NYNRIN: variants seen among roughly 807,000 people sequenced by gnomAD.
The protein encoded by NYNRIN is NYN domain and retroviral integrase containing.
In NYNRIN, 86 loss-of-function variants were observed where a neutral mutation model predicts 146.6. That is an observed-to-expected ratio of 0.59 (90% CI 0.49 to 0.70). The LOEUF is 0.70. NYNRIN is among the 30% of genes least tolerant of loss of function. The pLI, the probability that NYNRIN is intolerant of heterozygous loss-of-function variation, is 0.00. For missense variants in NYNRIN, 2,191 were observed against 2,377.7 expected (o/e 0.92, Z 1.63); for synonymous variants, 1,027 against 1,001.3 (o/e 1.03, Z -0.48).
rs1269811568 is a variant in NYNRIN at position 24,415,623 on chromosome 14, C to T, written c.3874C>T (p.Pro1292Ser). The T allele has an allele frequency of 4.3e-6, 7 of 1,613,860 alleles. No individual in the cohort carries two copies. Among genetic ancestry groups the T allele is most frequent in the Non-Finnish European group, 5.9e-6 (7 of 1,179,898 alleles). ...NRLLTPAASM[P>S]RFFQVLPPFS... Reference sequence around the variant, plus strand: ...CCTGCTCACCCCCGCGGCCTCCATGCCTCGCTTCTTCCAGGTTCTGCCGCC... The same window carrying T: ...CCTGCTCACCCCCGCGGCCTCCATGTCTCGCTTCTTCCAGGTTCTGCCGCC... The change falls in exon 9 of 9, where the codon CCT (proline) becomes TCT (serine). Residue 1292 changes from proline to serine, a missense_variant. Physicochemically the swap from Pro to Ser is moderately conservative, Grantham distance 74. Transcript: ENST00000382554.
Position 24,409,799 on chromosome 14 carries a change from C to T in NYNRIN, c.2005C>T (p.Pro669Ser), listed in dbSNP as rs1361415676. The T allele has an allele frequency of 1.1e-5, 17 of 1,613,182 alleles. No individual in the cohort carries two copies. The highest frequency in any genetic ancestry group is 1.4e-5 in the Non-Finnish European group (17 of 1,179,622). The part of the protein sequence containing the change: ...ASKAPAAPKV[P>S]VTPRVSRAPK... The stretch of plus-strand genomic sequence containing the variant: ...CAAAGCACCTGCAGCTCCCAAAGTA[C>T]CTGTGACCCCCAGAGTCTCCAGAGC... Residue 669 changes from proline to serine, a missense_variant, in exon 4 of 9, where the codon CCT (proline) becomes TCT (serine). Transcript: ENST00000382554.
At chr14:24,401,040 T>C (rs2042839229) in intron 2 of NYNRIN, among the ~76,000 whole-genome samples, 1 of 152,134 alleles carries the variant, frequency 6.6e-6, no homozygotes, top group African/African-American at 2.4e-5. Flanking sequence ...CCACCCGCCT[T>C]GGCCTCCCAA....
Position 24,408,151 on chromosome 14 carries a change from C to G in NYNRIN, c.481C>G (p.Arg161Gly). ...PRGIWEAEVT[R>G]AFGALVWIRG... ...GGGGATCTGGGAGGCTGAGGTGACC[C>G]GGGCCTTTGGGGCCCTGGTCTGGAT... Residue 161 changes from arginine to glycine, a missense_variant, in exon 3 of 9, where the codon CGG becomes GGG. By Grantham distance (125) the Arg-to-Gly change is moderately radical. This residue lies in a region of NYNRIN where 895 missense variants were observed against 941.2 expected (regional missense o/e 0.95). Transcript: ENST00000382554. 1 of 1,604,424 alleles carries G rather than the reference C, an allele frequency of 6.2e-7. No individual in the cohort carries two copies. The highest frequency in any genetic ancestry group is 8.5e-7 in the Non-Finnish European group (1 of 1,177,442).
chr14:24,405,381 C>T (rs1003476581), intron 2 of NYNRIN, among the ~76,000 whole-genome samples: 1 of 152,154 alleles, frequency 6.6e-6, no homozygotes, highest in Non-Finnish European at 1.5e-5. Context: ...TGACTAACGA[C>T]CTGTGGGTAT....
rs1188508654 is a variant in NYNRIN at position 24,419,200 on chromosome 14, C to G, written c.*1754C>G. 6.6e-6 allele frequency: 1 copy of G among 152,244 alleles called. No individual in the cohort carries two copies. The highest frequency in any genetic ancestry group is 1.5e-5 in the Non-Finnish European group (1 of 68,056). 9.4% of individuals were successfully genotyped at this position (152,244 alleles called of 1,614,324 possible). A position where few individuals can be genotyped will look rare whatever the true frequency, so the allele number is the denominator to read the frequency against. ...CCTCCCTGGTGCTGTATGCGTTCCC[C>G]CTGTTAGCTACATTTGTGATCACAT... On this transcript the variant is annotated 3_prime_UTR_variant, in exon 9 of 9. Coordinates refer to ENST00000382554, the MANE Select transcript of NYNRIN (RefSeq NM_025081.3).
In NYNRIN at chr14:24,409,058, G is replaced by T. The variant is rs1477951921; in HGVS notation, c.1264G>T (p.Ala422Ser). The T allele has an allele frequency of 6.2e-7, 1 of 1,613,316 alleles. No individual in the cohort carries two copies. Among genetic ancestry groups the T allele is most frequent in the Non-Finnish European group, 8.5e-7 (1 of 1,179,696 alleles). Residue 422 changes from alanine (A) to serine (S), a missense_variant, in exon 4 of 9, where the codon GCT becomes TCT. By Grantham distance (99) the Ala-to-Ser change is moderately conservative. Transcript: ENST00000382554. ...TCTGGAGTGGAAGCAGAAGGAGCTG[G>T]CTCCTCTGCCTAGTGCAGAAAGCCC... ...LNLEWKQKEL[A>S]PLPSAESPAG... is the part of the protein sequence containing the mutation.
At chr14:24,413,820 C>G (rs963801394) in intron 8 of NYNRIN, among the ~76,000 whole-genome samples, 1 of 152,134 alleles carries the variant, frequency 6.6e-6, no homozygotes, top group Non-Finnish European at 1.5e-5. Context: ...GCTGTTGGGT[C>G]CGAGGCTGCA....
rs774122735 is a variant in NYNRIN at position 24,413,084 on chromosome 14, G to C, written c.2730G>C (p.Leu910=). 1 of 1,588,414 alleles carries C rather than the reference G, an allele frequency of 6.3e-7. No individual in the cohort carries two copies. The highest frequency in any genetic ancestry group is 8.6e-7 in the Non-Finnish European group (1 of 1,166,188). Residue 910 remains leucine, a synonymous_variant, in exon 7 of 9, where the codon CTG becomes CTC. Transcript: ENST00000382554. ...TCCTGATGAATAGTTCCAAGAAACT[G>C]ATGGTCAAAGATCGGTAAGATGGTC... is the stretch of plus-strand genomic sequence containing the variant. ...IHILMNSSKK[L]MVKDRLLPFT...
intron 2 of NYNRIN, 133 bp from the exon 3 acceptor site, chr14:24,407,736 C>A: frequency 1.3e-6 from 1 of 784,882 alleles, no homozygotes; most frequent in Non-Finnish European, 2.0e-6. Flanking sequence ...AGTCATTTGG[C>A]TCATGGTGGA....
At chr14:24,400,115 G>T (rs973707961) in intron 2 of NYNRIN, among the ~76,000 whole-genome samples, 19 of 152,152 alleles carry the variant, frequency 1.2e-4, no homozygotes, top group African/African-American at 3.9e-4. Context: ...TCAGCTTCTT[G>T]CAGGGGTTCA....
chr14:24,417,280 C>T lies in NYNRIN; in HGVS notation c.5531C>T (p.Ala1844Val). The change falls in exon 9 of 9, where the codon GCC becomes GTC. Residue 1844 changes from alanine (A) to valine (V), a missense_variant. Ala to Val is a moderately conservative substitution (Grantham distance 64). Coordinates refer to ENST00000382554, the MANE Select transcript of NYNRIN (RefSeq NM_025081.3). Reference sequence around the variant, plus strand: ...TCCCTCCCCAGGAATGGCAGCAGTGCCAAATGGGTGGGTCCCTTCTATATC... The same window carrying T: ...TCCCTCCCCAGGAATGGCAGCAGTGTCAAATGGGTGGGTCCCTTCTATATC... ...LLSLPRNGSS[A>V]KWVGPFYIGD... is the part of the protein sequence containing the mutation. 1 of 1,614,020 alleles carries T rather than the reference C, an allele frequency of 6.2e-7. No homozygotes were observed. Among genetic ancestry groups the T allele is most frequent in the Non-Finnish European group, 8.5e-7 (1 of 1,179,876 alleles).
At chr14:24,404,371 T>A (rs2042863852) in intron 2 of NYNRIN, among the ~76,000 whole-genome samples, 1 of 152,256 alleles carries the variant, frequency 6.6e-6, no homozygotes, top group Admixed American at 6.5e-5. Flanking sequence ...CTACGCTTTT[T>A]AAATCCAATT....
In NYNRIN at chr14:24,410,144, T is replaced by C; in HGVS notation, c.2350T>C (p.Ser784Pro). The C allele has an allele frequency of 6.2e-7, 1 of 1,613,098 alleles. No individual in the cohort carries two copies. Among genetic ancestry groups the C allele is most frequent in the Non-Finnish European group, 8.5e-7 (1 of 1,179,352 alleles). The change falls in exon 4 of 9, where the codon TCA becomes CCA. Residue 784 changes from serine (S) to proline (P), a missense_variant. Transcript: ENST00000382554. ...GAATACACCCTTCGAGCTGAACCTG[T>C]CAGGGGAACCTGGAAACCAGGGGTT... Reference protein sequence around the residue: ...ALNTPFELNLSGEPGNQGLRR... With the variant: ...ALNTPFELNLPGEPGNQGLRR...
rs770043601 is a variant in NYNRIN, at chr14:24,418,281, C to A, written c.*835C>A. The stretch of plus-strand genomic sequence containing the variant: ...TCTGAAGAGCTGCTTCTGTTAGACC[C>A]AGGGGCCCCGGCCTCTGTTTTAAGG... On this transcript the variant is annotated 3_prime_UTR_variant, in exon 9 of 9. Coordinates refer to ENST00000382554, the MANE Select transcript of NYNRIN (RefSeq NM_025081.3). 2.2e-6 allele frequency: 1 copy of A among 456,476 alleles called. No homozygotes were observed. The highest frequency in any genetic ancestry group is 1.5e-5 in the South Asian group (1 of 64,550). The allele number at this position is 456,476 out of a possible 1,614,324, so 28.3% of individuals were successfully genotyped here. A position where few individuals can be genotyped will look rare whatever the true frequency, so the allele number is the denominator to read the frequency against.
At position 24,416,254 on chromosome 14, in the gene NYNRIN, C is replaced by T; in HGVS notation, c.4505C>T (p.Ser1502Phe). ...IARLQAGQKL[S>F]GSSPFSSAFN... The stretch of plus-strand genomic sequence containing the variant: ...AGGCTGCAGGCTGGGCAGAAACTGT[C>T]TGGCTCCTCACCGTTTAGTTCTGCC... The change falls in exon 9 of 9, where the codon TCT (serine) becomes TTT (phenylalanine). Residue 1502 changes from serine to phenylalanine, a missense_variant. Ser to Phe is a radical substitution (Grantham distance 155, BLOSUM62 -2). Coordinates refer to ENST00000382554, the MANE Select transcript of NYNRIN (RefSeq NM_025081.3). 6.2e-7 allele frequency: 1 copy of T among 1,613,958 alleles called. No homozygotes were observed. Among genetic ancestry groups the T allele is most frequent in the Non-Finnish European group, 8.5e-7 (1 of 1,179,898 alleles).
chr14:24,413,448 GCCCT>G, intron 8 of NYNRIN, 31 bp downstream of exon 8: 2 of 1,498,116 alleles, frequency 1.3e-6, no homozygotes, highest in Non-Finnish European at 1.8e-6. Context: ...AGCCTCCCAG[GCCCT>G]CCTGGGGCTG....
At position 24,416,579 on chromosome 14, in the gene NYNRIN, G is replaced by A. The variant is rs771364628; in HGVS notation, c.4830G>A (p.Ser1610=). 4.3e-6 allele frequency: 7 copies of A among 1,613,926 alleles called. No individual in the cohort carries two copies. Among genetic ancestry groups the A allele is most frequent in the East Asian group, 4.5e-5 (2 of 44,880 alleles). ...KVIESPWPLR[S]TAPWSNLQIE... Reference sequence around the variant, plus strand: ...TTGAGTCCCCATGGCCCCTCAGGTCGACCGCCCCCTGGTCGAACCTGCAGA... The same window carrying A: ...TTGAGTCCCCATGGCCCCTCAGGTCAACCGCCCCCTGGTCGAACCTGCAGA... Residue 1610 remains serine (S), a synonymous_variant, in exon 9 of 9, where the codon TCG becomes TCA. Coordinates refer to ENST00000382554, the MANE Select transcript of NYNRIN (RefSeq NM_025081.3).
Position 24,411,015 on chromosome 14 carries a change from A to C in NYNRIN, c.2415-61A>C, listed in dbSNP as rs2042909455. ...GCTGGCATTGCTTGCTTGCTGCCCC[A>C]GGGCTGGCTCTGAGGGAGGAGTGGT... is the stretch of plus-strand genomic sequence containing the variant. On this transcript the variant is annotated intron_variant, in intron 4 of 8. Coordinates refer to ENST00000382554, the MANE Select transcript of NYNRIN (RefSeq NM_025081.3). This position sits in a 1 kb window ranked among gnomAD's most constrained non-coding sequence, Gnocchi z 4.3. The C allele has an allele frequency of 6.2e-7, 1 of 1,604,164 alleles. No individual in the cohort carries two copies. The highest frequency in any genetic ancestry group is 1.3e-5 in the African/African-American group (1 of 74,634).
At position 24,411,114 on chromosome 14, in the gene NYNRIN, C is replaced by T. The variant is rs1367723124; in HGVS notation, c.2453C>T (p.Ala818Val). 4.3e-6 allele frequency: 7 copies of T among 1,613,560 alleles called. No individual in the cohort carries two copies. In the Admixed American group the frequency reaches 1.2e-4, roughly 27 times the overall value. ...LQHFFSCRGI[A>V]MAVQFFWNRG... ...CACTTCTTCTCCTGCCGAGGAATTG[C>T]CATGGCAGTGCAGTTTTTCTGGAAC... is the stretch of plus-strand genomic sequence containing the variant. The change falls in exon 5 of 9, where the codon GCC becomes GTC. Residue 818 changes from alanine to valine, a missense_variant. This residue lies in a region of NYNRIN where 1,291 missense variants were observed against 1,417.0 expected (regional missense o/e 0.91). Transcript: ENST00000382554. The surrounding 1 kb of genome is among the most constrained non-coding windows in gnomAD (Gnocchi z 4.3).
Sources: gnomAD v4.1 joint callset for allele counts (sites outside exome capture counted in the v4.1 genomes callset) on GRCh38, gnomAD v4.1.1 for gene constraint, gnomAD v4.1.1 regional missense constraint, Gnocchi (gnomAD v3.1) non-coding constraint, MANE v1.5 for transcripts, NCBI Gene and HGNC (gene_info 2026-07-23, HGNC 2026-07-21) for gene names.